The following XKR4 variants were observed in gnomAD, a reference collection of about 807,000 sequenced individuals.
XKR4 encodes the protein XK-related protein 4.
XKR4 carries 12 observed loss-of-function variants against 53.9 expected under a neutral mutation model. The observed-to-expected ratio is 0.22, with a 90% CI of 0.14 to 0.36. XKR4 has a LOEUF of 0.36. XKR4 is among the 10% of genes least tolerant of loss of function. The pLI is 1.00. For synonymous variants in XKR4, 354 were observed against 362.4 expected, an observed-to-expected ratio of 0.98 and a Z score of 0.26; for missense variants, 799 against 859.5, an observed-to-expected ratio of 0.93 and a Z score of 0.88.
At chr8:55,174,013 G>C (rs1817198268) in intron 1 of XKR4, among the ~76,000 whole-genome samples, 1 of 152,082 alleles carries the variant, frequency 6.6e-6, no homozygotes, top group Non-Finnish European at 1.5e-5. Context: ...AATCCATAAA[G>C]TTTTCAGAGA....
intron 1 of XKR4, among the ~76,000 whole-genome samples, chr8:55,262,087 T>A (rs1818534368): frequency 6.6e-6 from 1 of 152,160 alleles, no homozygotes; most frequent in South Asian, 2.1e-4. Flanking sequence ...AGTTTTAAAA[T>A]GAGTCTGACT....
chr8:55,308,117 G>T (rs12546182), intron 1 of XKR4, among the ~76,000 whole-genome samples: 3 of 151,900 alleles, frequency 2.0e-5, no homozygotes, highest in Non-Finnish European at 4.4e-5. Flanking sequence ...GCTGGGCATG[G>T]TGGCATGTGC....
intron 1 of XKR4, among the ~76,000 whole-genome samples, chr8:55,168,237 G>T (rs1817097217): frequency 6.6e-6 from 1 of 152,132 alleles, no homozygotes. Flanking sequence ...GGACAAGTGG[G>T]ACCCTGAGTA....
chr8:55,501,951 A>G (rs1806445343), intron 2 of XKR4, among the ~76,000 whole-genome samples: 1 of 152,182 alleles, frequency 6.6e-6, no homozygotes, highest in Non-Finnish European at 1.5e-5. Context: ...CATATAACCT[A>G]TAGCACATCT....
chr8:55,475,749 C>T (rs1489635123), intron 2 of XKR4, among the ~76,000 whole-genome samples: 1 of 151,732 alleles, frequency 6.6e-6, no homozygotes, highest in Non-Finnish European at 1.5e-5. Flanking sequence ...ATTATAGGCG[C>T]ACACCACCAC....
intron 1 of XKR4, among the ~76,000 whole-genome samples, chr8:55,148,139 T>C (rs1226311527): frequency 6.6e-6 from 1 of 152,224 alleles, no homozygotes; most frequent in Admixed American, 6.5e-5. Flanking sequence ...AGCTCTGATA[T>C]CTGAATTTTA....
chr8:55,426,290 T>C (rs1234661888), intron 2 of XKR4, among the ~76,000 whole-genome samples: 2 of 152,180 alleles, frequency 1.3e-5, no homozygotes, highest in Non-Finnish European at 2.9e-5. Context: ...CCTGGTTAAT[T>C]GCTACTACTG....
chr8:55,209,438 C>T (rs998273082), intron 1 of XKR4, among the ~76,000 whole-genome samples: 6 of 152,184 alleles, frequency 3.9e-5, no homozygotes, highest in African/African-American at 1.2e-4. Flanking sequence ...AGTCTGACTC[C>T]AGAGCCCGTG....
At chr8:55,213,294 T>C (rs1204672813) in intron 1 of XKR4, among the ~76,000 whole-genome samples, 1 of 152,120 alleles carries the variant, frequency 6.6e-6, no homozygotes, top group African/African-American at 2.4e-5. Context: ...GGAGTGTTGA[T>C]TGTTGGGTCG....
intron 1 of XKR4, among the ~76,000 whole-genome samples, chr8:55,131,755 T>TTC (rs1554561837): frequency 6.6e-6 from 1 of 151,110 alleles, no homozygotes; most frequent in East Asian, 1.9e-4. Flanking sequence ...TTTCTTTTCT[T>TTC]TTTTTTTTGA....
intron 1 of XKR4, among the ~76,000 whole-genome samples, chr8:55,143,409 C>T (rs1438161727): frequency 6.6e-6 from 1 of 151,950 alleles, no homozygotes; most frequent in Non-Finnish European, 1.5e-5. Context: ...TTTGATTTTT[C>T]CCAAAAGAGC....
chr8:55,523,507 C>T lies in XKR4; in HGVS notation c.1233C>T (p.Ile411=). Residue 411 remains isoleucine (I), a synonymous_variant, in exon 3 of 3, where the codon ATC becomes ATT. Transcript: ENST00000327381. Reference sequence around the variant, plus strand: ...TCTTCATCGTCCTTCACTGGTGCATCATGACCTTCTGGATCGTCCACTGTG... The same window carrying T: ...TCTTCATCGTCCTTCACTGGTGCATTATGACCTTCTGGATCGTCCACTGTG... ...FGIFIVLHWC[I]MTFWIVHCET... The T allele has an allele frequency of 6.2e-7, 1 of 1,614,232 alleles. No homozygotes were observed. The highest frequency in any genetic ancestry group is 8.5e-7 in the Non-Finnish European group (1 of 1,180,040).
chr8:55,172,719 A>G (rs957490370), intron 1 of XKR4, among the ~76,000 whole-genome samples: 1 of 152,220 alleles, frequency 6.6e-6, no homozygotes, highest in Non-Finnish European at 1.5e-5. Flanking sequence ...CAAAAAAGAA[A>G]TGTTCTTGCA....
At chr8:55,245,939 A>G (rs1009348375) in intron 1 of XKR4, among the ~76,000 whole-genome samples, 1 of 152,136 alleles carries the variant, frequency 6.6e-6, no homozygotes, top group Non-Finnish European at 1.5e-5. Context: ...TACTAAATAA[A>G]TAAATAAATA....
intron 2 of XKR4, among the ~76,000 whole-genome samples, chr8:55,497,074 A>G (rs990308482): frequency 6.6e-6 from 1 of 152,186 alleles, no homozygotes. Flanking sequence ...TCATGCTGCA[A>G]TACACTTTCG....
intron 2 of XKR4, among the ~76,000 whole-genome samples, chr8:55,462,912 A>T (rs1325418202): frequency 6.6e-6 from 1 of 152,116 alleles, no homozygotes; most frequent in Non-Finnish European, 1.5e-5. Context: ...ATCAATTCAA[A>T]AAGAAGAACT....
At chr8:55,500,082 G>A (rs1806412682) in intron 2 of XKR4, among the ~76,000 whole-genome samples, 1 of 151,744 alleles carries the variant, frequency 6.6e-6, no homozygotes. Flanking sequence ...CTGCCTGAAA[G>A]GTGTCCTCGA....
chr8:55,523,971 G>A lies in XKR4; in HGVS notation c.1697G>A (p.Arg566Gln), dbSNP rs377335343. Reference sequence around the variant, plus strand: ...GACCGCGATCAGAAATTCGCAGAGCGGGATGGGTGTGTACCTGTCTTTCAA... The same window carrying A: ...GACCGCGATCAGAAATTCGCAGAGCAGGATGGGTGTGTACCTGTCTTTCAA... ...VSDRDQKFAE[R>Q]DGCVPVFQVR... The change falls in exon 3 of 3, where the codon CGG (arginine) becomes CAG (glutamine). Residue 566 changes from arginine (R) to glutamine (Q), a missense_variant. Arg to Gln is a conservative substitution (Grantham distance 43). Coordinates refer to ENST00000327381, the MANE Select transcript of XKR4 (RefSeq NM_052898.2). 2.5e-6 allele frequency: 4 copies of A among 1,613,992 alleles called. No homozygotes were observed. The highest frequency in any genetic ancestry group is 2.2e-5 in the East Asian group (1 of 44,872).
At chr8:55,359,395 T>C (rs1263084353) in intron 2 of XKR4, among the ~76,000 whole-genome samples, 1 of 152,234 alleles carries the variant, frequency 6.6e-6, no homozygotes, top group Non-Finnish European at 1.5e-5. Flanking sequence ...ACAGCTCTAT[T>C]CTATCTTTGA....
Sources: allele counts gnomAD v4.1 joint callset (sites outside exome capture counted in the v4.1 genomes callset), GRCh38; gene constraint gnomAD v4.1.1; transcripts MANE v1.5; gene names NCBI Gene and HGNC (gene_info 2026-07-23, HGNC 2026-07-21).